Variants in CACNB2 observed in about 807,000 individuals in gnomAD.
The protein encoded by CACNB2 is calcium voltage-gated channel auxiliary subunit beta 2.
A neutral mutation model predicts 73.3 loss-of-function variants in CACNB2; 42 were observed. The observed-to-expected ratio is 0.57, with a 90% CI of 0.45 to 0.74. The LOEUF (loss-of-function observed/expected upper bound fraction) is 0.74. Among genes scored for constraint, CACNB2 ranks in the 30% least tolerant of loss-of-function variants. The probability of loss-of-function intolerance (pLI) is 0.00; values close to 1 mark genes in which losing one functional copy is unlikely to be tolerated. For synonymous variants in CACNB2, 348 were observed against 310.3 expected, an observed-to-expected ratio of 1.12 and a Z score of -1.28; for missense variants, 940 against 853.0, an observed-to-expected ratio of 1.10 and a Z score of -1.27.
At chr10:18,501,247 G>A (rs2133039366) in intron 5 of CACNB2, among the ~76,000 whole-genome samples, 1 of 152,330 alleles carries the variant, frequency 6.6e-6, no homozygotes, top group South Asian at 2.1e-4. Flanking sequence ...ATCATTTACT[G>A]AAAAATAGTC....
intron 2 of CACNB2, among the ~76,000 whole-genome samples, chr10:18,152,044 C>T (rs1339775066): frequency 6.6e-6 from 1 of 152,124 alleles, no homozygotes; most frequent in Non-Finnish European, 1.5e-5. Flanking sequence ...TAGCTGTCTA[C>T]CCTTATTGGC....
At chr10:18,400,794 C>T (rs2043954280) in intron 2 of CACNB2, 1 of 1,416,142 alleles carries the variant, frequency 7.1e-7, no homozygotes, top group African/African-American at 1.4e-5. Context: ...ATTTTTAAAG[C>T]AATATAAAGC....
At chr10:18,307,038 C>G (rs954236440) in intron 2 of CACNB2, among the ~76,000 whole-genome samples, 1 of 151,422 alleles carries the variant, frequency 6.6e-6, no homozygotes, top group Non-Finnish European at 1.5e-5. Context: ...AAGACAAGGT[C>G]CAAGGGTAAA....
At chr10:18,452,485 CATCAA>C (rs779632995) in intron 3 of CACNB2, among the ~76,000 whole-genome samples, 1 of 152,184 alleles carries the variant, frequency 6.6e-6, no homozygotes, top group African/African-American at 2.4e-5. Flanking sequence ...GCTAATATCA[CATCAA>C]AAGACTATCT....
chr10:18,534,170 A>G lies in CACNB2; in HGVS notation c.1149A>G (p.Gln383=). The G allele has an allele frequency of 6.2e-7, 1 of 1,613,698 alleles. No homozygotes were observed. The highest frequency in any genetic ancestry group is 8.5e-7 in the Non-Finnish European group (1 of 1,179,682). ...CGGATACAATTAATCATCCAGCTCA[A>G]CTCAGTAAAACCTCCTTGGCCCCTA... is the stretch of plus-strand genomic sequence containing the variant. The part of the protein sequence containing the change: ...LDADTINHPA[Q]LSKTSLAPII... The change falls in exon 11 of 14, where the codon CAA becomes CAG. Residue 383 remains glutamine, a synonymous_variant. Transcript: ENST00000324631.
At chr10:18,399,562 T>G (rs1466412064) in intron 2 of CACNB2, among the ~76,000 whole-genome samples, 1 of 152,052 alleles carries the variant, frequency 6.6e-6, no homozygotes, top group Non-Finnish European at 1.5e-5. Context: ...GGAGGAAGAC[T>G]TTTTGAGATA....
chr10:18,409,001 C>T (rs757129224), intron 3 of CACNB2, among the ~76,000 whole-genome samples: 24 of 151,150 alleles, frequency 1.6e-4, no homozygotes, highest in East Asian at 1.2e-3. Context: ...CACAGGCATG[C>T]GCCACCATGC....
chr10:18,237,703 C>G (rs143085369), intron 2 of CACNB2, among the ~76,000 whole-genome samples: 43 of 152,262 alleles, frequency 2.8e-4, no homozygotes, highest in African/African-American at 9.9e-4. Context: ...GGTGCATCAA[C>G]AAAGACAGGA....
intron 3 of CACNB2, among the ~76,000 whole-genome samples, chr10:18,402,409 A>G (rs1232513719): frequency 6.8e-6 from 1 of 148,036 alleles, no homozygotes; most frequent in African/African-American, 2.5e-5. Flanking sequence ...AAAAAAACAG[A>G]CTGACTTCAA....
chr10:18,172,015 G>C (rs765708279), intron 2 of CACNB2, among the ~76,000 whole-genome samples: 1 of 152,032 alleles, frequency 6.6e-6, no homozygotes, highest in Non-Finnish European at 1.5e-5. Flanking sequence ...AACTAAGAAG[G>C]TAGAAAGTCT....
chr10:18,493,505 A>G (rs2049589426), intron 3 of CACNB2, among the ~76,000 whole-genome samples: 1 of 152,040 alleles, frequency 6.6e-6, no homozygotes, highest in Non-Finnish European at 1.5e-5. Context: ...ACATCTATAG[A>G]TTTTGAGGGT....
Position 18,337,345 on chromosome 10 carries a change from G to A in CACNB2, c.214-64579G>A, listed in dbSNP as rs571771079. ...TTGAACTCTTGAGCTCAAGTGATCC[G>A]TCCATCTCAGCCTCCCAAAGTGCTG... is the stretch of plus-strand genomic sequence containing the variant. On this transcript the variant is annotated intron_variant, in intron 2 of 13. Coordinates refer to ENST00000324631, the MANE Select transcript of CACNB2 (RefSeq NM_201596.3). Among the ~76,000 whole-genome samples the A allele has an allele frequency of 5.3e-5, 8 of 152,162 alleles. No homozygotes were observed. In the East Asian group the frequency reaches 9.6e-4, roughly 18 times the overall value.
intron 2 of CACNB2, among the ~76,000 whole-genome samples, chr10:18,191,724 A>G (rs12414674): frequency 0.12 from 18,329 of 152,218 alleles, 1,163 homozygotes; most frequent in South Asian, 0.15. Context: ...TTCGCTGAGA[A>G]TAATAGTCTC....
At chr10:18,243,962 T>G (rs2131519606) in intron 2 of CACNB2, among the ~76,000 whole-genome samples, 1 of 152,332 alleles carries the variant, frequency 6.6e-6, no homozygotes, top group East Asian at 1.9e-4. Flanking sequence ...GTTGGAAACC[T>G]AGCTATGTCT....
intron 2 of CACNB2, among the ~76,000 whole-genome samples, chr10:18,223,766 AT>A (rs1457678556): frequency 6.6e-6 from 1 of 152,130 alleles, no homozygotes; most frequent in Non-Finnish European, 1.5e-5. Flanking sequence ...AGCTGTAATA[AT>A]ATTAAGGAGA....
intron 12 of CACNB2, among the ~76,000 whole-genome samples, 159 bp from the exon 13 acceptor site, chr10:18,538,021 T>C (rs2053775162): frequency 6.6e-6 from 1 of 152,128 alleles, no homozygotes; most frequent in Non-Finnish European, 1.5e-5. Context: ...AGTCAGACAC[T>C]TCCTAACTAA....
At chr10:18,437,698 A>G (rs1360320402) in intron 3 of CACNB2, among the ~76,000 whole-genome samples, 2 of 152,168 alleles carry the variant, frequency 1.3e-5, no homozygotes, top group African/African-American at 2.4e-5. Context: ...CTGCCACAGT[A>G]TCTGACTATC....
chr10:18,270,647 TAC>T (rs1325750583), intron 2 of CACNB2, among the ~76,000 whole-genome samples: 5 of 152,130 alleles, frequency 3.3e-5, no homozygotes, highest in African/African-American at 1.2e-4. Flanking sequence ...TTGAATTTCA[TAC>T]AGTTTCCTAA....
chr10:18,476,782 G>T (rs900761770), intron 3 of CACNB2, among the ~76,000 whole-genome samples: 8 of 152,124 alleles, frequency 5.3e-5, no homozygotes, highest in Non-Finnish European at 1.2e-4. Flanking sequence ...GGAGGCTGAG[G>T]CAGCCCAATC....
Sources: allele counts gnomAD v4.1 joint callset (sites outside exome capture counted in the v4.1 genomes callset), GRCh38; gene constraint gnomAD v4.1.1; transcripts MANE v1.5; gene names NCBI Gene and HGNC (gene_info 2026-07-23, HGNC 2026-07-21).